The following NEDD4 variants were observed in gnomAD, a reference collection of about 807,000 sequenced individuals.
NEDD4 encodes NEDD4 E3 ubiquitin protein ligase.
A neutral mutation model predicts 144.9 loss-of-function variants in NEDD4; 99 were observed. The ratio of observed to expected loss-of-function variants is 0.68; its 90% CI spans 0.58 to 0.81. NEDD4 has a LOEUF of 0.81. NEDD4 is among the 30% of genes least tolerant of loss of function. The pLI is 0.00. For missense variants in NEDD4, 985 were observed against 1,065.9 expected (o/e 0.92, Z 1.06); for synonymous variants, 318 against 350.6 (o/e 0.91, Z 1.04).
At position 55,909,655 on chromosome 15, in the gene NEDD4, G is replaced by C. The variant is rs117543599; in HGVS notation, c.291+14991C>G. ...GCCCCTTCAGCCTACAAAGCCTCTT[G>C]TCCTGGCTTCTCCTGGTCTGTCTTG... On this transcript the variant is annotated intron_variant, in intron 5 of 28. Transcript: ENST00000435532. Among the ~76,000 whole-genome samples, 22 of 152,238 alleles carry C rather than the reference G, an allele frequency of 1.4e-4. No homozygotes were observed. The East Asian group carries it at 3.3e-3, about 23-fold the overall frequency.
At chr15:55,864,860 T>A (rs2034531849) in intron 8 of NEDD4, among the ~76,000 whole-genome samples, 1 of 152,006 alleles carries the variant, frequency 6.6e-6, no homozygotes, top group Non-Finnish European at 1.5e-5. Flanking sequence ...GGTGCATGCA[T>A]CGACAGGCAG....
chr15:55,834,518 C>T (rs934042997), intron 24 of NEDD4, among the ~76,000 whole-genome samples: 4 of 128,960 alleles, frequency 3.1e-5, no homozygotes, highest in Admixed American at 7.9e-5. Context: ...TGTGGCCAGA[C>T]GCAGTGGCTC....
intron 1 of NEDD4, among the ~76,000 whole-genome samples, chr15:55,981,581 A>G (rs2037804889): frequency 6.6e-6 from 1 of 152,220 alleles, no homozygotes; most frequent in African/African-American, 2.4e-5. Context: ...TGATACCCAC[A>G]TGCATGAGTC....
intron 1 of NEDD4, among the ~76,000 whole-genome samples, chr15:55,972,177 T>A (rs2037622152): frequency 6.6e-6 from 1 of 152,150 alleles, no homozygotes; most frequent in Admixed American, 6.5e-5. Flanking sequence ...TAAGAAATCA[T>A]CTGAAGGTAC....
At chr15:55,837,931 A>G in intron 23 of NEDD4, 82 bp from the exon 24 acceptor site, 1 of 1,200,892 alleles carries the variant, frequency 8.3e-7, no homozygotes, top group East Asian at 2.4e-5. Flanking sequence ...AACAAAAACT[A>G]AAGGCTAGCT....
intron 5 of NEDD4, among the ~76,000 whole-genome samples, chr15:55,904,605 T>C (rs951449604): frequency 2.0e-5 from 3 of 152,144 alleles, no homozygotes; most frequent in Admixed American, 1.3e-4. Context: ...ACCCGGCGTA[T>C]TTCCATACAC....
chr15:55,836,726 C>T (rs375115312), intron 24 of NEDD4, among the ~76,000 whole-genome samples: 3 of 152,088 alleles, frequency 2.0e-5, no homozygotes, highest in African/African-American at 7.2e-5. Flanking sequence ...CAGGGTTTCA[C>T]CACATTAGCC....
At chr15:55,968,791 C>A (rs149236129) in intron 1 of NEDD4, among the ~76,000 whole-genome samples, 3 of 152,154 alleles carry the variant, frequency 2.0e-5, no homozygotes, top group African/African-American at 7.2e-5. Context: ...GATAAATGTA[C>A]ATCTATGTAC....
chr15:55,976,221 C>T (rs1374811240), intron 1 of NEDD4, among the ~76,000 whole-genome samples: 1 of 152,176 alleles, frequency 6.6e-6, no homozygotes, highest in African/African-American at 2.4e-5. Flanking sequence ...CATAACTGGA[C>T]AAATTGGATC....
chr15:55,852,492 C>G lies in NEDD4; in HGVS notation c.1078G>C (p.Glu360Gln), dbSNP rs776366501. The G allele has an allele frequency of 1.2e-6, 2 of 1,613,084 alleles. No individual in the cohort carries two copies. Among genetic ancestry groups the G allele is most frequent in the South Asian group, 2.2e-5 (2 of 90,994 alleles). The change falls in exon 13 of 29, where the codon GAA (glutamate) becomes CAA (glutamine). Residue 360 changes from glutamate (E) to glutamine (Q), a missense_variant. Coordinates refer to ENST00000435532, the MANE Select transcript of NEDD4 (RefSeq NM_006154.4). ...LPPGWEEKQD[E>Q]RGRSYYVDHN... The stretch of plus-strand genomic sequence containing the variant: ...TCTACATAATATGATCTTCCTCTTT[C>G]ATCTTGTTTTTCTTCCCAACCTGGT...
intron 4 of NEDD4, among the ~76,000 whole-genome samples, chr15:55,936,990 A>G (rs2036904862): frequency 6.6e-6 from 1 of 151,896 alleles, no homozygotes; most frequent in African/African-American, 2.4e-5. Flanking sequence ...ATGAGGTTTC[A>G]CCATATTGGC....
At chr15:55,838,218 C>A in intron 22 of NEDD4, 38 bp from the exon 23 acceptor site, 1 of 1,414,060 alleles carries the variant, frequency 7.1e-7, no homozygotes, top group Non-Finnish European at 9.7e-7. Context: ...GTTATTTTAG[C>A]GAGAAAAATT....
intron 11 of NEDD4, among the ~76,000 whole-genome samples, chr15:55,858,461 C>A (rs1429828323): frequency 1.3e-5 from 2 of 152,134 alleles, no homozygotes; most frequent in Non-Finnish European, 2.9e-5. Context: ...GTGTGCACCA[C>A]CACACCGAGC....
intron 6 of NEDD4, among the ~76,000 whole-genome samples, chr15:55,873,195 T>C (rs1348619539): frequency 6.6e-6 from 1 of 152,160 alleles, no homozygotes; most frequent in Admixed American, 6.6e-5. Context: ...TGAGGGTCAA[T>C]GGCTGGCCCT....
chr15:55,980,491 T>A (rs1158391690), intron 1 of NEDD4, among the ~76,000 whole-genome samples: 1 of 152,168 alleles, frequency 6.6e-6, no homozygotes, highest in Non-Finnish European at 1.5e-5. Flanking sequence ...TAGGTTCAGA[T>A]CATTCTACTG....
At chr15:55,859,709 C>T (rs2034328041) in intron 11 of NEDD4, among the ~76,000 whole-genome samples, 1 of 152,000 alleles carries the variant, frequency 6.6e-6, no homozygotes, top group Non-Finnish European at 1.5e-5. Flanking sequence ...AACAAACAAA[C>T]AAGCAAACAA....
intron 23 of NEDD4, 123 bp from the exon 24 acceptor site, chr15:55,837,972 TTGCTAC>T (rs1489565381): frequency 4.5e-6 from 4 of 892,248 alleles, no homozygotes; most frequent in Non-Finnish European, 5.3e-6. Flanking sequence ...ATATGAGTGC[TTGCTAC>T]TGCATTGTGA....
intron 1 of NEDD4, among the ~76,000 whole-genome samples, chr15:55,968,349 A>T (rs1344690825): frequency 6.6e-6 from 1 of 152,200 alleles, no homozygotes; most frequent in Non-Finnish European, 1.5e-5. Flanking sequence ...GGAAAGATTT[A>T]AAAAATACAA....
chr15:55,991,037 T>G (rs1268841709), intron 1 of NEDD4, among the ~76,000 whole-genome samples: 8 of 152,246 alleles, frequency 5.3e-5, no homozygotes, highest in Non-Finnish European at 1.2e-4. Flanking sequence ...AGTGCTAATA[T>G]GCTCAGACAC....
Sources: allele counts gnomAD v4.1 joint callset (sites outside exome capture counted in the v4.1 genomes callset), GRCh38; gene constraint gnomAD v4.1.1; transcripts MANE v1.5; gene names NCBI Gene and HGNC (gene_info 2026-07-23, HGNC 2026-07-21).